Variants in UST observed in about 807,000 individuals in gnomAD.
UST encodes chondroitin sulfate 2-O-sulfotransferase.
UST carries 21 observed loss-of-function variants against 45.6 expected under a neutral mutation model. The observed-to-expected ratio is 0.46, with a 90% CI of 0.33 to 0.66. UST has a LOEUF of 0.66. Ranked by LOEUF, UST falls within the 30% of genes least tolerant of loss-of-function variation. The pLI is 0.02. For synonymous variants in UST, 215 were observed against 200.6 expected (o/e 1.07, Z -0.61); for missense variants, 463 against 512.4 (o/e 0.90, Z 0.93).
intron 1 of UST, among the ~76,000 whole-genome samples, chr6:148,839,796 C>G (rs1019697839): frequency 6.6e-6 from 1 of 152,172 alleles, no homozygotes; most frequent in African/African-American, 2.4e-5. Flanking sequence ...AGAACTAGAA[C>G]TAGAAGCTTT....
intron 1 of UST, among the ~76,000 whole-genome samples, chr6:148,758,177 T>C (rs1000826087): frequency 1.3e-5 from 2 of 152,192 alleles, no homozygotes; most frequent in Admixed American, 6.5e-5. Context: ...TGACTTCCAA[T>C]TGAAAGAAGC....
intron 7 of UST, among the ~76,000 whole-genome samples, chr6:149,032,164 A>G (rs1009096371): frequency 6.6e-6 from 1 of 151,996 alleles, no homozygotes; most frequent in East Asian, 1.9e-4. Context: ...CACTCATACC[A>G]ATCTCAGCGC....
chr6:148,984,359 C>T (rs1781198441), intron 5 of UST, among the ~76,000 whole-genome samples: 1 of 152,034 alleles, frequency 6.6e-6, no homozygotes, highest in Non-Finnish European at 1.5e-5. Flanking sequence ...CCAAGTACTG[C>T]AAGAATCTCA....
At chr6:148,916,246 A>G (rs542486673) in intron 2 of UST, among the ~76,000 whole-genome samples, 1 of 152,352 alleles carries the variant, frequency 6.6e-6, no homozygotes, top group South Asian at 2.1e-4. Context: ...TGGATAAACT[A>G]AGGCACAGAG....
intron 1 of UST, among the ~76,000 whole-genome samples, chr6:148,817,098 T>C (rs1485425754): frequency 6.6e-6 from 1 of 152,222 alleles, no homozygotes; most frequent in East Asian, 1.9e-4. Context: ...GAGATTTTGG[T>C]GCAGGTGGCA....
intron 2 of UST, among the ~76,000 whole-genome samples, chr6:148,928,058 A>C (rs1297374252): frequency 6.6e-6 from 1 of 152,116 alleles, no homozygotes; most frequent in African/African-American, 2.4e-5. Context: ...CCTGCACTAC[A>C]ATGACATAGG....
At chr6:148,818,121 A>T (rs1450906496) in intron 1 of UST, among the ~76,000 whole-genome samples, 1 of 152,178 alleles carries the variant, frequency 6.6e-6, no homozygotes, top group East Asian at 1.9e-4. Context: ...ATACTTTGCT[A>T]GTCTGTCGGA....
intron 1 of UST, among the ~76,000 whole-genome samples, chr6:148,827,624 A>C (rs1233223405): frequency 7.0e-6 from 1 of 142,956 alleles, no homozygotes; most frequent in Non-Finnish European, 1.6e-5. Context: ...TCAAAAAAGG[A>C]AAAAAAAAAA....
rs575992681 is a variant in UST, at chr6:148,847,083, G to A, written c.248-39903G>A. 3.3e-5 allele frequency among the ~76,000 whole-genome samples: 5 copies of A among 152,354 alleles called. No homozygotes were observed. In the East Asian group the frequency reaches 9.6e-4, roughly 29 times the overall value. On this transcript the variant is annotated intron_variant, in intron 1 of 7. Transcript: ENST00000367463. ...GGAAGCCATAATGTCTTAGCTTGTC[G>A]ACCTCTGACCTGCTATCTTTTAGGA...
chr6:148,859,463 A>G (rs1582857417), intron 1 of UST, among the ~76,000 whole-genome samples: 1 of 152,090 alleles, frequency 6.6e-6, no homozygotes, highest in East Asian at 1.9e-4. Flanking sequence ...CTCTGATGGT[A>G]GTTTCTTTTG....
intron 1 of UST, among the ~76,000 whole-genome samples, chr6:148,801,051 T>C (rs1342339995): frequency 6.6e-6 from 1 of 152,162 alleles, no homozygotes. Flanking sequence ...GGAGCATAGC[T>C]TGCAACTCCA....
intron 2 of UST, among the ~76,000 whole-genome samples, chr6:148,918,690 A>G (rs1253811080): frequency 6.6e-6 from 1 of 152,232 alleles, no homozygotes; most frequent in Non-Finnish European, 1.5e-5. Flanking sequence ...CTCCTACCAT[A>G]CATAATAAAA....
chr6:148,855,194 T>C (rs1418987996), intron 1 of UST, among the ~76,000 whole-genome samples: 3 of 152,168 alleles, frequency 2.0e-5, no homozygotes, highest in African/African-American at 7.2e-5. Context: ...CTGTGGGAGT[T>C]ACTATTCAAG....
At chr6:149,035,013 T>C (rs1005744340) in intron 7 of UST, among the ~76,000 whole-genome samples, 1 of 152,192 alleles carries the variant, frequency 6.6e-6, no homozygotes, top group African/African-American at 2.4e-5. Flanking sequence ...CTGGGAATTC[T>C]TAACATTTTG....
intron 1 of UST, among the ~76,000 whole-genome samples, chr6:148,772,804 A>G (rs1776458068): frequency 6.6e-6 from 1 of 152,210 alleles, no homozygotes; most frequent in Non-Finnish European, 1.5e-5. Context: ...GAAATTCCAA[A>G]TGAACATATT....
intron 5 of UST, among the ~76,000 whole-genome samples, chr6:149,010,746 A>G (rs1775791984): frequency 4.0e-5 from 6 of 151,890 alleles, no homozygotes; most frequent in Non-Finnish European, 8.8e-5. Context: ...TACAAAAATT[A>G]GCCGGGTGTG....
At chr6:148,848,427 CT>C (rs1260066001) in intron 1 of UST, among the ~76,000 whole-genome samples, 3 of 152,202 alleles carry the variant, frequency 2.0e-5, no homozygotes, top group Non-Finnish European at 4.4e-5. Flanking sequence ...AATCCCAGCA[CT>C]TTGGGAGGCC....
At chr6:149,043,540 G>A (rs1448753623) in intron 7 of UST, among the ~76,000 whole-genome samples, 1 of 152,280 alleles carries the variant, frequency 6.6e-6, no homozygotes, top group Non-Finnish European at 1.5e-5. Context: ...GAAGGCCAGT[G>A]CTGTGGCCTC....
intron 2 of UST, among the ~76,000 whole-genome samples, chr6:148,892,319 C>A (rs1454199742): frequency 6.6e-6 from 1 of 152,040 alleles, no homozygotes; most frequent in Non-Finnish European, 1.5e-5. Flanking sequence ...TTCTTTTTGT[C>A]ATTATAGGCA....
Sources: gnomAD v4.1 joint callset for allele counts (sites outside exome capture counted in the v4.1 genomes callset) on GRCh38, gnomAD v4.1.1 for gene constraint, MANE v1.5 for transcripts, NCBI Gene and HGNC (gene_info 2026-07-23, HGNC 2026-07-21) for gene names.